TP53TG5: variants seen among roughly 807,000 people sequenced by gnomAD.
TP53TG5 encodes TP53 target 5.
TP53TG5 carries 17 observed loss-of-function variants against 30.0 expected under a neutral mutation model. That is an observed-to-expected ratio of 0.57 (90% CI 0.39 to 0.85). The LOEUF (loss-of-function observed/expected upper bound fraction) is 0.85. Among genes scored for constraint, TP53TG5 ranks in the 40% least tolerant of loss-of-function variants. The pLI is 0.00. For synonymous variants in TP53TG5, 137 were observed against 139.2 expected (o/e 0.98, Z 0.11); for missense variants, 338 against 367.9 (o/e 0.92, Z 0.67).
intron 4 of TP53TG5, 30 bp downstream of exon 4, chr20:45,375,009 C>A: frequency 6.3e-7 from 1 of 1,595,806 alleles, no homozygotes; most frequent in Non-Finnish European, 8.6e-7. Flanking sequence ...TGCATCTCAC[C>A]TAGCCTGGCA....
At position 45,378,218 on chromosome 20, in the gene TP53TG5, T is replaced by C; in HGVS notation, c.19A>G (p.Lys7Glu). MSPSAK[K>E]RPKNSRVSKM... ...GAAACCCTGCTGTTCTTGGGCCTCT[T>C]CTTTGCTGATGGACTCATGCTGGGG... The change falls in exon 1 of 5, where the codon AAG (lysine) becomes GAG (glutamate). Residue 7 changes from lysine (K) to glutamate (E), a missense_variant. Transcript: ENST00000372726. 1 of 1,614,116 alleles carries C rather than the reference T, an allele frequency of 6.2e-7. No individual in the cohort carries two copies. The highest frequency in any genetic ancestry group is 8.5e-7 in the Non-Finnish European group (1 of 1,179,986).
intron 1 of TP53TG5, among the ~76,000 whole-genome samples, 192 bp downstream of exon 1, chr20:45,377,997 A>G (rs1479982424): frequency 6.6e-6 from 1 of 152,164 alleles, no homozygotes; most frequent in Non-Finnish European, 1.5e-5. Flanking sequence ...GGTTTGACCA[A>G]TCCTAGGCTG....
chr20:45,374,294 A>G, intron 4 of TP53TG5: 2 of 696,790 alleles, frequency 2.9e-6, no homozygotes, highest in South Asian at 3.0e-5. Flanking sequence ...TTTTTTTAAG[A>G]CAGGGTCTTG....
chr20:45,374,361 T>C (rs1405724138), intron 4 of TP53TG5: 1 of 658,002 alleles, frequency 1.5e-6, no homozygotes. Context: ...CAGCCTCGAC[T>C]CCTGGGCTTA....
chr20:45,374,602 A>G (rs1988664973), intron 4 of TP53TG5: 1 of 458,840 alleles, frequency 2.2e-6, no homozygotes, highest in African/African-American at 2.0e-5. Flanking sequence ...TGAGGCATGA[A>G]TCAATCAAAC....
chr20:45,374,865 A>T, intron 4 of TP53TG5, 174 bp downstream of exon 4: 1 of 799,500 alleles, frequency 1.3e-6, no homozygotes, highest in Non-Finnish European at 1.9e-6. Context: ...ACCCTTCTGT[A>T]TGATGTTGGT....
chr20:45,378,153 A>G (rs1441480114), intron 1 of TP53TG5, 36 bp downstream of exon 1: 1 of 1,613,642 alleles, frequency 6.2e-7, no homozygotes, highest in Non-Finnish European at 8.5e-7. Flanking sequence ...GGTCCCCTCT[A>G]GGGACTCACC....
chr20:45,375,229 C>G lies in TP53TG5; in HGVS notation c.578G>C (p.Arg193Thr). The change falls in exon 4 of 5, where the codon AGA becomes ACA. Residue 193 changes from arginine to threonine, a missense_variant. Physicochemically the swap from Arg to Thr is moderately conservative, Grantham distance 71. Coordinates refer to ENST00000372726, the MANE Select transcript of TP53TG5 (RefSeq NM_014477.3). ...CTGCTTCATGTGCCCCATGGGAGTT[C>G]TATTGCGGTAGGGCTTAATGAAGAT... Reference protein sequence around the residue: ...RVIFIKPYRNRTPMGHMKQLD... With the variant: ...RVIFIKPYRNTTPMGHMKQLD... The G allele has an allele frequency of 6.2e-7, 1 of 1,614,170 alleles. No homozygotes were observed. Among genetic ancestry groups the G allele is most frequent in the South Asian group, 1.1e-5 (1 of 91,084 alleles).
rs1988714578 is a variant in TP53TG5 at position 45,375,823 on chromosome 20, G to A, written c.255-271C>T. 6.8e-6 allele frequency: 3 copies of A among 438,482 alleles called. No individual in the cohort carries two copies. In the Admixed American group the frequency reaches 1.2e-4, roughly 18 times the overall value. The allele number at this position is 438,482 out of a possible 1,614,324, so 27.2% of individuals were successfully genotyped here. A position where few individuals can be genotyped will look rare whatever the true frequency, so the allele number is the denominator to read the frequency against. On this transcript the variant is annotated intron_variant, in intron 3 of 4. Transcript: ENST00000372726. ...TCTACATCATCTGCCACTAGATTAG[G>A]GTTCTGTCTCTCTGGACTTCAGCTG...
intron 4 of TP53TG5, chr20:45,374,586 C>T (rs151111453): frequency 4.3e-6 from 2 of 466,976 alleles, no homozygotes; most frequent in African/African-American, 4.0e-5. Context: ...CAGAGTAAAT[C>T]TTATTTGAGG....
intron 4 of TP53TG5, 44 bp downstream of exon 4, chr20:45,374,995 G>A: frequency 6.3e-7 from 1 of 1,581,014 alleles, no homozygotes; most frequent in East Asian, 2.2e-5. Flanking sequence ...CCTGGCTTGG[G>A]GCTTGCATCT....
rs1988635050 is a variant in TP53TG5 at position 45,373,918 on chromosome 20, C to T, written c.862G>A (p.Val288Ile). Residue 288 changes from valine to isoleucine, a missense_variant, in exon 5 of 5, where the codon GTC becomes ATC. Physicochemically the swap from Val to Ile is conservative, Grantham distance 29 (BLOSUM62 3). Transcript: ENST00000372726. ...KGRNGWRNSR[V>I]YK ...CCATATGGAAGATCTTATTTGTAGA[C>T]TCGTGAATTTCGCCACCCATTCCTC... The T allele has an allele frequency of 6.2e-7, 1 of 1,613,984 alleles. No individual in the cohort carries two copies. Among genetic ancestry groups the T allele is most frequent in the Non-Finnish European group, 8.5e-7 (1 of 1,179,922 alleles).
chr20:45,375,879 A>C, intron 3 of TP53TG5: 1 of 263,498 alleles, frequency 3.8e-6, no homozygotes, highest in East Asian at 8.7e-5. Context: ...GTTTTTCTAA[A>C]TTGTGCTCCA....
Position 45,373,994 on chromosome 20 carries a change from C to G in TP53TG5, c.786G>C (p.Thr262=), listed in dbSNP as rs772961364. ...WHPYKVDVTW[T]RARGASRGWR... ...ACCCTCTGCTCGCACCTCTGGCTCT[C>G]GTCCAGGTCACATCAACCTGCCAGC... is the stretch of plus-strand genomic sequence containing the variant. The change falls in exon 5 of 5, where the codon ACG becomes ACC. Residue 262 remains threonine (T), a synonymous_variant. Transcript: ENST00000372726. 1.9e-6 allele frequency: 3 copies of G among 1,613,950 alleles called. No homozygotes were observed. The African/African-American group carries it at 4.0e-5, about 22-fold the overall frequency.
Position 45,373,642 on chromosome 20 carries a change from G to A in TP53TG5, c.*265C>T. Reference sequence around the variant, plus strand: ...TGCGAGCTCGCGGGGCGATTGTGAGGCACTTTGCACCCAGGAAGCACACGA... The same window carrying A: ...TGCGAGCTCGCGGGGCGATTGTGAGACACTTTGCACCCAGGAAGCACACGA... On this transcript the variant is annotated 3_prime_UTR_variant, in exon 5 of 5. Coordinates refer to ENST00000372726, the MANE Select transcript of TP53TG5 (RefSeq NM_014477.3). 2.0e-6 allele frequency: 1 copy of A among 495,926 alleles called. No homozygotes were observed. The highest frequency in any genetic ancestry group is 3.7e-6 in the Non-Finnish European group (1 of 273,354). 30.7% of individuals were successfully genotyped at this position (495,926 alleles called of 1,614,324 possible).
chr20:45,374,798 T>C (rs1988671077), intron 4 of TP53TG5: 2 of 556,274 alleles, frequency 3.6e-6, no homozygotes, highest in East Asian at 3.0e-5. Flanking sequence ...CTCACTTCAG[T>C]GCCCCTCCTT....
Position 45,377,224 on chromosome 20 carries a change from C to A in TP53TG5, c.242G>T (p.Arg81Leu), listed in dbSNP as rs779918002. 1 of 1,613,802 alleles carries A rather than the reference C, an allele frequency of 6.2e-7. No homozygotes were observed. The highest frequency in any genetic ancestry group is 8.5e-7 in the Non-Finnish European group (1 of 1,180,038). ...HSLLSVPKIL[R>L]ISSGENSACN... ...GGCCCCAGCTTACCCAGAGGAGATG[C>A]GGAGAATCTTTGGAACACTGAGCAG... The change falls in exon 3 of 5, where the codon CGC becomes CTC. Residue 81 changes from arginine to leucine, a missense_variant. By Grantham distance (102) the Arg-to-Leu change is moderately radical. Transcript: ENST00000372726.
In TP53TG5 at chr20:45,373,975, T is replaced by TG. The variant is rs749781706; in HGVS notation, c.804dup (p.Arg269GlnfsTer53). 3.1e-6 allele frequency: 5 copies of TG among 1,614,076 alleles called. No homozygotes were observed. In the South Asian group the frequency reaches 5.5e-5, roughly 18 times the overall value. On this transcript the variant is annotated frameshift_variant, in exon 5 of 5. Transcript: ENST00000372726. LOFTEE classifies it low-confidence loss of function (END_TRUNC). ...AGCTGATGGCGCGATCTCCACCCTC[T>TG]GCTCGCACCTCTGGCTCTCGTCCAG...
intron 4 of TP53TG5, chr20:45,374,232 C>CT (rs984100625): frequency 8.7e-6 from 6 of 686,752 alleles, no homozygotes; most frequent in African/African-American, 5.4e-5. Flanking sequence ...GTATTTTCTT[C>CT]TTTTTTTGCT....
Sources: gnomAD v4.1 joint callset for allele counts (sites outside exome capture counted in the v4.1 genomes callset) on GRCh38, gnomAD v4.1.1 for gene constraint, MANE v1.5 for transcripts, NCBI Gene and HGNC (gene_info 2026-07-23, HGNC 2026-07-21) for gene names.